Variants in SRPK2 observed in about 807,000 individuals in gnomAD.
SRPK2 encodes SRSF protein kinase 2.
Under a neutral mutation model 90.8 loss-of-function variants are expected in SRPK2, and 21 were observed. That is an observed-to-expected ratio of 0.23 (90% CI 0.16 to 0.33). SRPK2 has a LOEUF of 0.33. SRPK2 is among the 10% of genes least tolerant of loss of function. SRPK2 has a pLI of 1.00. For missense variants in SRPK2, 620 were observed against 869.0 expected (o/e 0.71, Z 3.60); for synonymous variants, 288 against 311.1 (o/e 0.93, Z 0.78).
intron 2 of SRPK2, among the ~76,000 whole-genome samples, chr7:105,240,173 G>C (rs1436819592): frequency 6.6e-6 from 1 of 152,158 alleles, no homozygotes; most frequent in Non-Finnish European, 1.5e-5. Context: ...TAGCTCACAG[G>C]TGGGGCCTTC....
chr7:105,349,426 G>A (rs1408499498), intron 2 of SRPK2, among the ~76,000 whole-genome samples: 2 of 150,738 alleles, frequency 1.3e-5, no homozygotes, highest in Non-Finnish European at 2.9e-5. Context: ...GGAGGCTGAG[G>A]CAGGAAAATC....
At position 105,118,018 on chromosome 7, in the gene SRPK2, T is replaced by G. The variant is rs757475891; in HGVS notation, c.1920A>C (p.Glu640Asp). Residue 640 changes from glutamate to aspartate, a missense_variant, in exon 16 of 16, where the codon GAA becomes GAC. Around this residue, in one of 8 missense-constraint regions of SRPK2, gnomAD observed 71 missense variants for 123.1 expected, o/e 0.58. Transcript: ENST00000393651. ...GCTTCAGCTTGGTGATGTGTCGCAG[T>G]TCTCCTACAGGGGAAAAAACAGGCC... ...YSREFFNRRG[E>D]LRHITKLKPW... The G allele has an allele frequency of 6.2e-7, 1 of 1,613,684 alleles. No homozygotes were observed. The highest frequency in any genetic ancestry group is 8.5e-7 in the Non-Finnish European group (1 of 1,179,780).
At chr7:105,355,108 G>T (rs181660547) in intron 2 of SRPK2, among the ~76,000 whole-genome samples, 73 of 152,216 alleles carry the variant, frequency 4.8e-4, no homozygotes, top group Admixed American at 4.6e-3. Context: ...ATATTCCATT[G>T]TAAGGATATG....
At chr7:105,305,913 A>C (rs1811095828) in intron 2 of SRPK2, among the ~76,000 whole-genome samples, 1 of 152,238 alleles carries the variant, frequency 6.6e-6, no homozygotes, top group African/African-American at 2.4e-5. Context: ...AATCATGGGA[A>C]GATAACTAGA....
chr7:105,138,346 G>A (rs1215891734), intron 11 of SRPK2, among the ~76,000 whole-genome samples: 1 of 152,140 alleles, frequency 6.6e-6, no homozygotes, highest in Non-Finnish European at 1.5e-5. Flanking sequence ...AGACAAGCAT[G>A]GCCAGCAGGA....
At chr7:105,351,814 AAAAAAG>A (rs1321447607) in intron 2 of SRPK2, among the ~76,000 whole-genome samples, 1 of 150,178 alleles carries the variant, frequency 6.7e-6, no homozygotes, top group African/African-American at 2.5e-5. Flanking sequence ...CAAAAAAAAA[AAAAAAG>A]AAGAAGAAGA....
intron 2 of SRPK2, among the ~76,000 whole-genome samples, chr7:105,232,458 TAAAAAAA>T (rs10533429): frequency 9.1e-5 from 12 of 132,064 alleles, no homozygotes; most frequent in African/African-American, 3.4e-4. Context: ...AAACCTTATC[TAAAAAAA>T]AAAAAAAAAA....
At chr7:105,125,452 TCTA>T (rs1209001789) in intron 15 of SRPK2, among the ~76,000 whole-genome samples, 13 of 152,216 alleles carry the variant, frequency 8.5e-5, no homozygotes, top group African/African-American at 2.9e-4. Context: ...CCACCTCTGT[TCTA>T]CTACAGAGAG....
chr7:105,260,082 C>T (rs1401066691), intron 2 of SRPK2, among the ~76,000 whole-genome samples: 1 of 152,204 alleles, frequency 6.6e-6, no homozygotes, highest in East Asian at 1.9e-4. Context: ...AAGAAACTAT[C>T]ATCAGAGTGA....
intron 15 of SRPK2, among the ~76,000 whole-genome samples, chr7:105,124,959 C>A (rs1001562444): frequency 6.6e-6 from 1 of 151,784 alleles, no homozygotes; most frequent in Non-Finnish European, 1.5e-5. Context: ...CAGTGAAACC[C>A]TGTCTCTACT....
intron 2 of SRPK2, among the ~76,000 whole-genome samples, chr7:105,212,446 G>A (rs998897645): frequency 6.6e-6 from 1 of 152,180 alleles, no homozygotes; most frequent in Non-Finnish European, 1.5e-5. Context: ...TGGCCAGAAT[G>A]AGGCTGACTG....
At chr7:105,326,554 T>C (rs1441022771) in intron 2 of SRPK2, among the ~76,000 whole-genome samples, 2 of 152,190 alleles carry the variant, frequency 1.3e-5, no homozygotes, top group Non-Finnish European at 2.9e-5. Context: ...CTATCAATTA[T>C]GCCATTCAAG....
chr7:105,142,136 G>A lies in SRPK2; in HGVS notation c.1415C>T (p.Ser472Phe). The A allele has an allele frequency of 1.2e-6, 2 of 1,614,166 alleles. No homozygotes were observed. The highest frequency in any genetic ancestry group is 8.5e-7 in the Non-Finnish European group (1 of 1,180,032). The change falls in exon 11 of 16, where the codon TCC becomes TTC. Residue 472 changes from serine (S) to phenylalanine (F), a missense_variant. By Grantham distance (155) the Ser-to-Phe change is radical (BLOSUM62 -2). Coordinates refer to ENST00000393651, the MANE Select transcript of SRPK2 (RefSeq NM_182692.3). ...PEFSTSLFSG[S>F]LEPVACGSVL... Reference sequence around the variant, plus strand: ...AGAGCCGCAGGCCACAGGTTCTAAGGATCCAGAGAACAACGAGGTGGAAAA... The same window carrying A: ...AGAGCCGCAGGCCACAGGTTCTAAGAATCCAGAGAACAACGAGGTGGAAAA...
At chr7:105,386,217 G>A (rs371354851) in intron 2 of SRPK2, among the ~76,000 whole-genome samples, 4 of 151,514 alleles carry the variant, frequency 2.6e-5, no homozygotes, top group East Asian at 3.9e-4. Flanking sequence ...AGGAGGCTGA[G>A]GCAGGAGAAT....
chr7:105,239,933 G>A (rs1469189288), intron 2 of SRPK2, among the ~76,000 whole-genome samples: 5 of 152,112 alleles, frequency 3.3e-5, no homozygotes, highest in Non-Finnish European at 7.4e-5. Flanking sequence ...TTTTAAAGAT[G>A]AATCCTGATG....
chr7:105,233,516 T>G (rs965994221), intron 2 of SRPK2, among the ~76,000 whole-genome samples: 4 of 152,148 alleles, frequency 2.6e-5, no homozygotes, highest in Non-Finnish European at 5.9e-5. Context: ...GAGGTGAAGC[T>G]CTCAACTACT....
At chr7:105,244,487 T>C (rs2129626367) in intron 2 of SRPK2, among the ~76,000 whole-genome samples, 1 of 152,270 alleles carries the variant, frequency 6.6e-6, no homozygotes, top group Middle Eastern at 3.4e-3. Context: ...GGCGGGAGAA[T>C]CGCTTGAACC....
intron 2 of SRPK2, among the ~76,000 whole-genome samples, chr7:105,350,598 A>C (rs1234013473): frequency 1.4e-5 from 2 of 143,800 alleles, no homozygotes; most frequent in Non-Finnish European, 1.5e-5. Flanking sequence ...ATCTGAGCTC[A>C]CCGCAACCTC....
At chr7:105,146,770 C>G (rs781612963) in intron 7 of SRPK2, 112 bp from the exon 8 acceptor site, 64 of 1,144,326 alleles carry the variant, frequency 5.6e-5, no homozygotes, top group Non-Finnish European at 7.4e-5. Flanking sequence ...TTGATAAACA[C>G]AAAAGGATAT....
Sources: allele counts gnomAD v4.1 joint callset (sites outside exome capture counted in the v4.1 genomes callset), GRCh38; gene constraint gnomAD v4.1.1; regional missense constraint gnomAD v4.1.1; transcripts MANE v1.5; gene names NCBI Gene and HGNC (gene_info 2026-07-23, HGNC 2026-07-21).